ZYG11B: variants seen among roughly 807,000 people sequenced by gnomAD.
ZYG11B encodes zyg-11 family member B, cell cycle regulator.
A neutral mutation model predicts 82.4 loss-of-function variants in ZYG11B; 36 were observed. That is an observed-to-expected ratio of 0.44 (90% CI 0.33 to 0.58). The LOEUF (loss-of-function observed/expected upper bound fraction) is 0.58. ZYG11B is among the 20% of genes least tolerant of loss of function. The pLI is 0.02. For synonymous variants in ZYG11B, 303 were observed against 312.8 expected (o/e 0.97, Z 0.33); for missense variants, 552 against 895.6 (o/e 0.62, Z 4.90).
At chr1:52,758,148 G>A (rs1210520783) in intron 2 of ZYG11B, among the ~76,000 whole-genome samples, 1 of 147,228 alleles carries the variant, frequency 6.8e-6, no homozygotes, top group African/African-American at 2.5e-5. Flanking sequence ...GCAGTGAGTC[G>A]AGATTGTGCC....
At position 52,826,025 on chromosome 1, in the gene ZYG11B, CTT is replaced by C. The variant is rs988958847; in HGVS notation, c.*4398_*4399del. ...GTAGCAGGGAAAACAAACTTAAACT[CTT>C]TGTATATGGTGAAACCCATCCCTCT... On this transcript the variant is annotated 3_prime_UTR_variant, in exon 14 of 14. Coordinates refer to ENST00000294353, the MANE Select transcript of ZYG11B (RefSeq NM_024646.3). 1.3e-5 allele frequency: 2 copies of C among 152,142 alleles called. No homozygotes were observed. Among genetic ancestry groups the C allele is most frequent in the African/African-American group, 2.4e-5 (1 of 41,410 alleles). The allele number at this position is 152,142 out of a possible 1,614,324, so 9.4% of individuals were successfully genotyped here. A position where few individuals can be genotyped will look rare whatever the true frequency, so the allele number is the denominator to read the frequency against.
rs12047393 is a variant in ZYG11B, at chr1:52,794,582, A to G, written c.1335-1710A>G. On this transcript the variant is annotated intron_variant, in intron 6 of 13. Transcript: ENST00000294353. ...CAAGGAGCTCACAGGCCAAATGGGGATTCAAGTGAGTGTGCAGATGACTGT... is the reference window on the plus strand; with the variant it reads ...CAAGGAGCTCACAGGCCAAATGGGGGTTCAAGTGAGTGTGCAGATGACTGT... Among the ~76,000 whole-genome samples, 138 of 152,230 alleles carry G rather than the reference A, an allele frequency of 9.1e-4. 4 individuals are homozygous for G. In the East Asian group the frequency reaches 0.026, roughly 28 times the overall value.
chr1:52,729,338 C>A (rs1351288314), intron 1 of ZYG11B, among the ~76,000 whole-genome samples: 1 of 152,158 alleles, frequency 6.6e-6, no homozygotes, highest in African/African-American at 2.4e-5. Context: ...CAGACCACAG[C>A]AGACATATTA....
chr1:52,804,610 C>G (rs1645126135), intron 10 of ZYG11B, among the ~76,000 whole-genome samples: 1 of 142,514 alleles, frequency 7.0e-6, no homozygotes, highest in Non-Finnish European at 1.5e-5. Context: ...GAGACGGTCT[C>G]AGAAAAAAAA....
chr1:52,751,677 T>G (rs555806182), intron 1 of ZYG11B, among the ~76,000 whole-genome samples: 1 of 152,152 alleles, frequency 6.6e-6, no homozygotes, highest in Non-Finnish European at 1.5e-5. Context: ...TCATACCCTG[T>G]TTCTTGCACG....
intron 8 of ZYG11B, among the ~76,000 whole-genome samples, chr1:52,800,789 A>G (rs1645069620): frequency 6.6e-6 from 1 of 152,152 alleles, no homozygotes; most frequent in Admixed American, 6.6e-5. Context: ...CAGCCTGGGC[A>G]AAACAGCAAG....
chr1:52,740,619 A>G (rs1644416038), intron 1 of ZYG11B, among the ~76,000 whole-genome samples: 1 of 147,818 alleles, frequency 6.8e-6, no homozygotes, highest in South Asian at 2.1e-4. Context: ...GCTGGGTGCA[A>G]GTGGCACCAT....
chr1:52,726,749 C>T, intron 1 of ZYG11B, 66 bp downstream of exon 1: 1 of 1,401,684 alleles, frequency 7.1e-7, no homozygotes, highest in Non-Finnish European at 9.3e-7. Flanking sequence ...GTCGCGCTGG[C>T]CCCTGCGGTC....
intron 10 of ZYG11B, among the ~76,000 whole-genome samples, chr1:52,811,033 CAAAA>C (rs747809612): frequency 4.9e-5 from 2 of 40,812 alleles, no homozygotes; most frequent in Non-Finnish European, 8.4e-5. Flanking sequence ...GGCTCCGTCT[CAAAA>C]AAAAAAAAAA....
At chr1:52,770,509 T>C (rs1644740484) in intron 2 of ZYG11B, among the ~76,000 whole-genome samples, 1 of 152,198 alleles carries the variant, frequency 6.6e-6, no homozygotes, top group Admixed American at 6.5e-5. Flanking sequence ...ACATAAACTC[T>C]GCAAGTCCAT....
intron 2 of ZYG11B, among the ~76,000 whole-genome samples, chr1:52,758,849 A>G (rs144658550): frequency 6.3e-4 from 96 of 152,336 alleles, no homozygotes; most frequent in African/African-American, 2.3e-3. Flanking sequence ...AAAGTCCCTT[A>G]CACAGCTGCA....
rs770007082 is a variant in ZYG11B at position 52,771,549 on chromosome 1, T to G, written c.726T>G (p.Leu242=). 1.9e-6 allele frequency: 3 copies of G among 1,613,858 alleles called. No homozygotes were observed. The African/African-American group carries it at 4.0e-5, about 22-fold the overall frequency. The change falls in exon 3 of 14, where the codon CTT becomes CTG. Residue 242 remains leucine (L), a synonymous_variant. Transcript: ENST00000294353. This position sits in a 1 kb window ranked among gnomAD's most constrained non-coding sequence, Gnocchi z 5.4. ...GGGAACTCAAACATCTGAATCATCT[T>G]GATATCTCAGATGATAAACAGTTTA... is the stretch of plus-strand genomic sequence containing the variant. ...VVRELKHLNH[L]DISDDKQFTS...
intron 1 of ZYG11B, among the ~76,000 whole-genome samples, chr1:52,738,369 C>T (rs1444762125): frequency 6.6e-6 from 1 of 151,472 alleles, no homozygotes; most frequent in African/African-American, 2.4e-5. Flanking sequence ...TTAGTAGAGT[C>T]CGGGTTTCAC....
intron 3 of ZYG11B, among the ~76,000 whole-genome samples, chr1:52,777,468 A>G (rs1424230660): frequency 6.6e-6 from 1 of 152,016 alleles, no homozygotes; most frequent in Admixed American, 6.6e-5. Context: ...TTTTTTTGAT[A>G]GAGTCTCACT....
chr1:52,797,752 G>C (rs914907848), intron 8 of ZYG11B, among the ~76,000 whole-genome samples: 3 of 150,240 alleles, frequency 2.0e-5, no homozygotes, highest in African/African-American at 7.3e-5. Flanking sequence ...CTTGTGATCC[G>C]CCCACCTCGG....
chr1:52,758,927 T>A (rs1644603127), intron 2 of ZYG11B, among the ~76,000 whole-genome samples: 1 of 151,636 alleles, frequency 6.6e-6, no homozygotes, highest in East Asian at 1.9e-4. Flanking sequence ...TTATGCTCAG[T>A]ATATTATTAT....
intron 8 of ZYG11B, among the ~76,000 whole-genome samples, chr1:52,797,435 AACAT>A (rs1645033488): frequency 1.1e-5 from 1 of 88,266 alleles, no homozygotes; most frequent in Admixed American, 1.6e-4. Flanking sequence ...TATTATATAT[AACAT>A]ATATATTATA....
Position 52,803,163 on chromosome 1 carries a change from TATATACACAC to T in ZYG11B, c.1695+1030_1695+1039del, listed in dbSNP as rs1298470829. Among the ~76,000 whole-genome samples, 79 of 73,140 alleles carry T rather than the reference TATATACACAC, an allele frequency of 1.1e-3. 3 individuals are homozygous for T. The highest frequency in any genetic ancestry group is 8.7e-3 in the African/African-American group (66 of 7,610). 48.0% of individuals were successfully genotyped at this position (73,140 alleles called of 152,430 possible). ...ACATATATATATATATACACATATATATATACACACATATATATATATATACACATATATA... is the reference window on the plus strand; with the variant it reads ...ACATATATATATATATACACATATATATATATATATATATACACATATATA... On this transcript the variant is annotated intron_variant, in intron 10 of 13. Coordinates refer to ENST00000294353, the MANE Select transcript of ZYG11B (RefSeq NM_024646.3).
At chr1:52,796,484 G>A (rs1645007264) in intron 7 of ZYG11B, 93 bp downstream of exon 7, 1 of 1,118,462 alleles carries the variant, frequency 8.9e-7, no homozygotes, top group Non-Finnish European at 1.3e-6. Flanking sequence ...AGAAACATTA[G>A]TAAATCTCTC....
Sources: gnomAD v4.1 joint callset for allele counts (sites outside exome capture counted in the v4.1 genomes callset) on GRCh38, gnomAD v4.1.1 for gene constraint, Gnocchi (gnomAD v3.1) non-coding constraint, MANE v1.5 for transcripts, NCBI Gene and HGNC (gene_info 2026-07-23, HGNC 2026-07-21) for gene names.